CCDC148: variants seen among roughly 807,000 people sequenced by gnomAD.
CCDC148 encodes coiled-coil domain containing 148.
A neutral mutation model predicts 85.7 loss-of-function variants in CCDC148; 89 were observed. That is an observed-to-expected ratio of 1.04 (90% CI 0.87 to 1.24). The LOEUF (loss-of-function observed/expected upper bound fraction) is 1.24. Ranked by LOEUF, CCDC148 falls within the 50% of genes most tolerant of loss-of-function variation. The probability of loss-of-function intolerance (pLI) is 0.00; values close to 1 mark genes in which losing one functional copy is unlikely to be tolerated. For missense variants in CCDC148, 692 were observed against 671.7 expected (o/e 1.03, Z -0.33); for synonymous variants, 230 against 213.9 (o/e 1.08, Z -0.66).
At chr2:158,311,298 C>T (rs558646084) in intron 8 of CCDC148, among the ~76,000 whole-genome samples, 20 of 152,350 alleles carry the variant, frequency 1.3e-4, no homozygotes, top group Non-Finnish European at 1.8e-4. Context: ...GGCGAAACCC[C>T]GTCTCCACCA....
chr2:158,172,695 C>T (rs16842677), intron 13 of CCDC148, among the ~76,000 whole-genome samples: 2,049 of 152,128 alleles, frequency 0.013, 40 homozygotes, highest in African/African-American at 0.045. Context: ...AACACATGGC[C>T]ACCACTTGAA....
intron 1 of CCDC148, among the ~76,000 whole-genome samples, chr2:158,445,036 C>T (rs187580782): frequency 1.7e-4 from 26 of 151,996 alleles, no homozygotes; most frequent in African/African-American, 5.5e-4. Context: ...CATACTTATA[C>T]AAAAAGTTCA....
intron 11 of CCDC148, among the ~76,000 whole-genome samples, chr2:158,197,202 T>A (rs1404948515): frequency 6.6e-6 from 1 of 152,162 alleles, no homozygotes; most frequent in African/African-American, 2.4e-5. Flanking sequence ...CAGCACTTCA[T>A]CGAAAGAACT....
chr2:158,229,721 C>A (rs780963304), intron 10 of CCDC148, among the ~76,000 whole-genome samples: 18 of 152,184 alleles, frequency 1.2e-4, no homozygotes, highest in Non-Finnish European at 2.2e-4. Flanking sequence ...CCAATTCCAC[C>A]TTCTTCGTAG....
intron 11 of CCDC148, among the ~76,000 whole-genome samples, chr2:158,204,640 C>A (rs1686142555): frequency 6.6e-6 from 1 of 152,124 alleles, no homozygotes; most frequent in Non-Finnish European, 1.5e-5. Flanking sequence ...TTCCCCTCCC[C>A]TGCCATTCAA....
At chr2:158,336,465 C>T (rs1366709429) in intron 7 of CCDC148, among the ~76,000 whole-genome samples, 2 of 151,962 alleles carry the variant, frequency 1.3e-5, no homozygotes, top group Admixed American at 1.3e-4. Context: ...ACATTTCTTC[C>T]CCCAAATATT....
chr2:158,349,764 A>C (rs967277089), intron 2 of CCDC148, among the ~76,000 whole-genome samples: 3 of 152,104 alleles, frequency 2.0e-5, no homozygotes, highest in African/African-American at 7.2e-5. Context: ...AAAAAATGAA[A>C]ACTGCATGAA....
chr2:158,406,625 T>TTTTTTTTTGTTTTTTTG (rs1559124608), intron 1 of CCDC148, among the ~76,000 whole-genome samples: 1 of 97,596 alleles, frequency 1.0e-5, no homozygotes, highest in Admixed American at 9.7e-5. Flanking sequence ...TTTTTTTTTT[T>TTTTTTTTTGTTTTTTTG]TTTTTTTTTT....
chr2:158,339,889 G>C (rs1420526542), intron 5 of CCDC148, among the ~76,000 whole-genome samples: 1 of 152,138 alleles, frequency 6.6e-6, no homozygotes, highest in East Asian at 1.9e-4. Flanking sequence ...GTGGATAGAA[G>C]GACTTATGTA....
intron 9 of CCDC148, among the ~76,000 whole-genome samples, chr2:158,307,607 T>C (rs1456021928): frequency 6.6e-6 from 1 of 152,204 alleles, no homozygotes; most frequent in African/African-American, 2.4e-5. Flanking sequence ...TGTTCAAGAA[T>C]GTTGATAGTG....
At chr2:158,368,483 A>G (rs1684295585) in intron 1 of CCDC148, among the ~76,000 whole-genome samples, 1 of 152,156 alleles carries the variant, frequency 6.6e-6, no homozygotes, top group East Asian at 1.9e-4. Context: ...CTACTTGAAC[A>G]GAATTTTTTA....
chr2:158,315,355 T>C (rs1222943758), intron 7 of CCDC148, among the ~76,000 whole-genome samples: 1 of 152,196 alleles, frequency 6.6e-6, no homozygotes, highest in East Asian at 1.9e-4. Flanking sequence ...CAGGTTAACA[T>C]AAATGCATTT....
intron 9 of CCDC148, among the ~76,000 whole-genome samples, chr2:158,266,908 A>ACACACATATATACATATATATG (rs1465594230): frequency 5.0e-5 from 4 of 79,296 alleles, no homozygotes; most frequent in Admixed American, 2.5e-4. Flanking sequence ...ATATATATAC[A>ACACACATATATACATATATATG]CACACATATA....
At chr2:158,403,270 A>C (rs1685862241) in intron 1 of CCDC148, among the ~76,000 whole-genome samples, 1 of 152,040 alleles carries the variant, frequency 6.6e-6, no homozygotes, top group South Asian at 2.1e-4. Context: ...ATAGATTCAC[A>C]GTAGATGTTG....
At chr2:158,312,459 G>A (rs781381784) in intron 8 of CCDC148, among the ~76,000 whole-genome samples, 14 of 151,572 alleles carry the variant, frequency 9.2e-5, no homozygotes, top group Admixed American at 2.0e-4. Context: ...GCCTGCACCT[G>A]TAGTCCCAGC....
At chr2:158,179,379 A>T (rs150022510) in intron 11 of CCDC148, among the ~76,000 whole-genome samples, 2 of 151,762 alleles carry the variant, frequency 1.3e-5, no homozygotes, top group Non-Finnish European at 2.9e-5. Context: ...GGATGGTCTC[A>T]ATCTCCTGAC....
intron 7 of CCDC148, among the ~76,000 whole-genome samples, chr2:158,324,800 C>T (rs1692688362): frequency 6.6e-6 from 1 of 152,052 alleles, no homozygotes; most frequent in Admixed American, 6.6e-5. Context: ...GCTTTTATAA[C>T]TTTCTTAGTC....
At chr2:158,270,372 A>G (rs1173141155) in intron 9 of CCDC148, among the ~76,000 whole-genome samples, 1 of 152,162 alleles carries the variant, frequency 6.6e-6, no homozygotes, top group African/African-American at 2.4e-5. Context: ...GGCTGGAGAG[A>G]TGACACAAGT....
At chr2:158,282,560 C>T (rs932357515) in intron 9 of CCDC148, among the ~76,000 whole-genome samples, 3 of 152,112 alleles carry the variant, frequency 2.0e-5, no homozygotes, top group Non-Finnish European at 4.4e-5. Flanking sequence ...ACCTAGGAAT[C>T]CAACTTACAA....
Sources: allele counts gnomAD v4.1 joint callset (sites outside exome capture counted in the v4.1 genomes callset), GRCh38; gene constraint gnomAD v4.1.1; transcripts MANE v1.5; gene names NCBI Gene and HGNC (gene_info 2026-07-23, HGNC 2026-07-21).